BMP2K: variants seen among roughly 807,000 people sequenced by gnomAD.
The protein encoded by BMP2K is BMP2 inducible kinase.
A neutral mutation model predicts 116.0 loss-of-function variants in BMP2K; 74 were observed. The ratio of observed to expected loss-of-function variants is 0.64; its 90% CI spans 0.53 to 0.77. BMP2K has a LOEUF of 0.77. BMP2K is among the 30% of genes least tolerant of loss of function. BMP2K has a pLI of 0.00. For missense variants in BMP2K, 1,365 were observed against 1,403.6 expected, an observed-to-expected ratio of 0.97 and a Z score of 0.44; for synonymous variants, 486 against 502.5, an observed-to-expected ratio of 0.97 and a Z score of 0.44.
intron 1 of BMP2K, among the ~76,000 whole-genome samples, chr4:78,813,106 T>A (rs1346391670): frequency 1.3e-5 from 2 of 151,426 alleles, no homozygotes; most frequent in African/African-American, 4.9e-5. Flanking sequence ...GTCAGCAGTC[T>A]TCTCCATCTC....
chr4:78,902,399 C>T (rs952587556), intron 15 of BMP2K, among the ~76,000 whole-genome samples: 2 of 151,966 alleles, frequency 1.3e-5, no homozygotes, highest in African/African-American at 4.8e-5. Flanking sequence ...TCTTCTTATA[C>T]TCAAACCCTG....
chr4:78,849,659 T>A (rs2110031570), intron 6 of BMP2K, among the ~76,000 whole-genome samples: 1 of 151,744 alleles, frequency 6.6e-6, no homozygotes, highest in African/African-American at 2.4e-5. Flanking sequence ...GCTGAAAATA[T>A]CTTCCTTAAA....
intron 14 of BMP2K, chr4:78,879,627 TTGTGTG>T (rs36091562): frequency 1.2e-5 from 2 of 163,728 alleles, no homozygotes; most frequent in East Asian, 1.9e-4. Context: ...TTCTGAGGCT[TTGTGTG>T]TGTGTGTGTG....
In BMP2K at chr4:78,793,079, C is replaced by G. The variant is rs184123976; in HGVS notation, c.178+16358C>G. On this transcript the variant is annotated intron_variant, in intron 1 of 15. Coordinates refer to ENST00000502613, the MANE Select transcript of BMP2K (RefSeq NM_198892.2). Reference sequence around the variant, plus strand: ...ATGTTAAACATTGCCACTCTAGTCTCCAAGTTTTTCTTTTGAAAAATATGG... The same window carrying G: ...ATGTTAAACATTGCCACTCTAGTCTGCAAGTTTTTCTTTTGAAAAATATGG... 2.6e-3 allele frequency among the ~76,000 whole-genome samples: 393 copies of G among 152,220 alleles called. 1 individual carries two copies. The highest frequency in any genetic ancestry group is 4.4e-3 in the Non-Finnish European group (302 of 68,022).
At chr4:78,828,426 A>G (rs1450467628) in intron 2 of BMP2K, among the ~76,000 whole-genome samples, 2 of 152,188 alleles carry the variant, frequency 1.3e-5, no homozygotes, top group Non-Finnish European at 2.9e-5. Context: ...CCCTGAACCC[A>G]GTCCTCTTGG....
At chr4:78,780,467 CGTT>C (rs762650794) in intron 1 of BMP2K, among the ~76,000 whole-genome samples, 73 of 152,212 alleles carry the variant, frequency 4.8e-4, no homozygotes, top group Admixed American at 6.5e-4. Context: ...AGCCAGTTCT[CGTT>C]GTTAATTTTT....
intron 2 of BMP2K, among the ~76,000 whole-genome samples, chr4:78,826,390 A>G (rs1484738528): frequency 6.6e-6 from 1 of 151,974 alleles, no homozygotes; most frequent in East Asian, 1.9e-4. Context: ...TTTAGTAGAG[A>G]CAGGGTTTCA....
intron 3 of BMP2K, among the ~76,000 whole-genome samples, chr4:78,838,718 G>T (rs148400605): frequency 6.6e-6 from 1 of 152,254 alleles, no homozygotes; most frequent in Non-Finnish European, 1.5e-5. Context: ...ATTATGTAGG[G>T]ATAAAACTGT....
chr4:78,844,799 C>A, intron 4 of BMP2K, 129 bp from the exon 5 acceptor site: 1 of 731,604 alleles, frequency 1.4e-6, no homozygotes, highest in Non-Finnish European at 2.3e-6. Context: ...TTGTATATGG[C>A]ATATACCCTT....
rs1312776112 is a variant in BMP2K at position 78,912,143 on chromosome 4, C to A, written c.*110C>A. ...CTTTATAGCATTCATTCTTAAAGAT[C>A]AGTCAGAATAGGTGATTTCTAAATA... On this transcript the variant is annotated 3_prime_UTR_variant, in exon 16 of 16. Coordinates refer to ENST00000502613, the MANE Select transcript of BMP2K (RefSeq NM_198892.2). 6 of 965,684 alleles carry A rather than the reference C, an allele frequency of 6.2e-6. No homozygotes were observed. The Admixed American group carries it at 7.0e-5, about 11-fold the overall frequency. The allele number at this position is 965,684 out of a possible 1,614,324, so 59.8% of individuals were successfully genotyped here. A position where few individuals can be genotyped will look rare whatever the true frequency, so the allele number is the denominator to read the frequency against.
rs114014189 is a variant in BMP2K, at chr4:78,851,898, A to T, written c.883+842A>T. Among the ~76,000 whole-genome samples, 681 of 152,226 alleles carry T rather than the reference A, an allele frequency of 4.5e-3. 3 individuals are homozygous for T. The highest frequency in any genetic ancestry group is 0.015 in the African/African-American group (644 of 41,576). On this transcript the variant is annotated intron_variant, in intron 7 of 15. Transcript: ENST00000502613. ...GATTAATCCATTGCCATATAACTTT[A>T]AACCATTAAAAGTTCCCCCAGACTC...
chr4:78,889,081 C>T (rs976810868), intron 15 of BMP2K, among the ~76,000 whole-genome samples: 14 of 152,012 alleles, frequency 9.2e-5, no homozygotes, highest in Admixed American at 6.5e-5. Context: ...ATCAGCCAGG[C>T]GTGGTGGTGG....
intron 14 of BMP2K, among the ~76,000 whole-genome samples, chr4:78,885,499 G>A (rs915133050): frequency 7.9e-5 from 12 of 152,274 alleles, no homozygotes; most frequent in African/African-American, 2.9e-4. Flanking sequence ...AAAAAGCACT[G>A]TTAGAAGAGA....
intron 7 of BMP2K, among the ~76,000 whole-genome samples, chr4:78,851,347 A>G (rs988509773): frequency 6.6e-6 from 1 of 152,082 alleles, no homozygotes; most frequent in African/African-American, 2.4e-5. Flanking sequence ...TCAAAAGAAT[A>G]TTTTAATTTT....
intron 15 of BMP2K, among the ~76,000 whole-genome samples, chr4:78,892,893 G>T (rs1733516750): frequency 6.6e-6 from 1 of 152,198 alleles, no homozygotes; most frequent in Non-Finnish European, 1.5e-5. Context: ...GCTGGTGGCA[G>T]GTCTTGCCTC....
chr4:78,861,293 A>C (rs116196541), intron 8 of BMP2K, 96 bp from the exon 9 acceptor site: 12,201 of 892,446 alleles, frequency 0.014, 101 homozygotes, highest in South Asian at 0.018. Flanking sequence ...GTCTCATAGT[A>C]CTTTTAAAGT....
chr4:78,904,216 G>A (rs1416968546), intron 15 of BMP2K, among the ~76,000 whole-genome samples: 3 of 151,898 alleles, frequency 2.0e-5, no homozygotes, highest in Non-Finnish European at 4.4e-5. Context: ...TGAAAATGTG[G>A]TTAATAAGAT....
intron 15 of BMP2K, among the ~76,000 whole-genome samples, chr4:78,901,529 G>A (rs1560554541): frequency 6.6e-6 from 1 of 152,114 alleles, no homozygotes; most frequent in Non-Finnish European, 1.5e-5. Context: ...GTTTAAGATG[G>A]TGCCATTCCT....
In BMP2K at chr4:78,861,374, T is replaced by A. The variant is rs1174406724; in HGVS notation, c.988-15T>A. The stretch of plus-strand genomic sequence containing the variant: ...AAAAAACTAAAATGAGACGTTTTAT[T>A]TTTTTTCTTCCAAGAATTCTTCTAT... On this transcript the variant is annotated splice_polypyrimidine_tract_variant and intron_variant, in intron 8 of 15. Transcript: ENST00000502613. 3 of 1,578,352 alleles carry A rather than the reference T, an allele frequency of 1.9e-6. No homozygotes were observed. Among genetic ancestry groups the A allele is most frequent in the South Asian group, 2.3e-5 (2 of 85,358 alleles).
Sources: allele counts gnomAD v4.1 joint callset (sites outside exome capture counted in the v4.1 genomes callset), GRCh38; gene constraint gnomAD v4.1.1; transcripts MANE v1.5; gene names NCBI Gene and HGNC (gene_info 2026-07-23, HGNC 2026-07-21).